Variants in RAB33A observed in about 807,000 individuals in gnomAD.
RAB33A encodes the protein ras-related protein Rab-33A.
Under a neutral mutation model 12.0 loss-of-function variants are expected in RAB33A, and 6 were observed. That is an observed-to-expected ratio of 0.50 (90% CI 0.27 to 0.99). RAB33A has a LOEUF of 0.99. Ranked by LOEUF, RAB33A falls within the 50% of genes least tolerant of loss-of-function variation. The pLI is 0.11. For synonymous variants in RAB33A, 70 were observed against 82.4 expected (o/e 0.85, Z 0.81); for missense variants, 109 against 192.0 (o/e 0.57, Z 2.55).
chrX:130,129,180 T>C, the RAB33A span, among the ~76,000 whole-genome samples: 10 of 111,023 alleles, frequency 9.0e-5, no homozygotes, highest in Admixed American at 9.6e-4. Flanking sequence ...ACAGCAGGTG[T>C]GTGCAAAGAG....
the RAB33A span, among the ~76,000 whole-genome samples, chrX:130,128,298 C>T: frequency 4.5e-5 from 5 of 111,572 alleles, no homozygotes; most frequent in South Asian, 3.7e-4. Flanking sequence ...TTAGGCCGGG[C>T]GCGGTGACTC....
At chrX:130,123,904 A>G in the RAB33A span, among the ~76,000 whole-genome samples, 2 of 110,582 alleles carry the variant, frequency 1.8e-5, no homozygotes, top group African/African-American at 6.6e-5. Context: ...AGACACAACC[A>G]TAAAACGGGG....
chrX:130,158,962 C>A, the RAB33A span, among the ~76,000 whole-genome samples: 18 of 110,834 alleles, frequency 1.6e-4, no homozygotes, highest in Non-Finnish European at 2.5e-4. Context: ...AAAACAAGCC[C>A]AATGTGGATC....
chrX:130,168,536 G>A (rs1465062668), upstream of RAB33A, among the ~76,000 whole-genome samples: 2 of 110,845 alleles, frequency 1.8e-5, no homozygotes, highest in Admixed American at 9.5e-5. Flanking sequence ...CTTCTGTGAA[G>A]TTTAACCCAG....
chrX:130,164,167 C>T, the RAB33A span, among the ~76,000 whole-genome samples: 7 of 74,834 alleles, frequency 9.4e-5, no homozygotes, highest in Non-Finnish European at 1.4e-4. Flanking sequence ...GACTCCGTCT[C>T]AAAAAAAAAA....
the RAB33A span, among the ~76,000 whole-genome samples, chrX:130,151,290 G>A: frequency 2.7e-5 from 3 of 109,719 alleles, no homozygotes; most frequent in Admixed American, 9.7e-5. Flanking sequence ...ACAGGCACAC[G>A]CCACCATGCC....
At chrX:130,112,698 C>T in the RAB33A span, among the ~76,000 whole-genome samples, 1 of 110,389 alleles carries the variant, frequency 9.1e-6, no homozygotes, top group Non-Finnish European at 1.9e-5. Context: ...GAAACCCCAT[C>T]TCTACTAAAA....
chrX:130,149,545 A>G, the RAB33A span: 511,013 of 1,206,323 alleles, frequency 0.42, 76,472 homozygotes, highest in African/African-American at 0.72. Context: ...ATCTTTTTTC[A>G]TCCTCTTTCA....
At chrX:130,111,888 T>C in the RAB33A span, among the ~76,000 whole-genome samples, 1 of 111,595 alleles carries the variant, frequency 9.0e-6, no homozygotes, top group Non-Finnish European at 1.9e-5. Flanking sequence ...GAGAGTGCGC[T>C]GGGAATTGTT....
At chrX:130,148,028 C>G in the RAB33A span, 16 of 688,943 alleles carry the variant, frequency 2.3e-5, no homozygotes, top group Non-Finnish European at 3.6e-5. Flanking sequence ...ATCTTCACAG[C>G]ATCCTGATGG....
intron 1 of RAB33A, among the ~76,000 whole-genome samples, chrX:130,183,214 T>C (rs1259582817): frequency 9.2e-6 from 1 of 108,179 alleles, no homozygotes; most frequent in East Asian, 3.0e-4. Flanking sequence ...GACCCCACTG[T>C]ATAGACATGA....
At chrX:130,147,461 T>C in the RAB33A span, 54 of 1,209,215 alleles carry the variant, frequency 4.5e-5, no homozygotes, top group South Asian at 5.5e-4. Context: ...TTAGCTGAAG[T>C]TGATAGGCTC....
chrX:130,183,910 A>G (rs1351165755), intron 1 of RAB33A, among the ~76,000 whole-genome samples: 2 of 111,493 alleles, frequency 1.8e-5, no homozygotes, highest in Non-Finnish European at 3.8e-5. Context: ...TTTTTTTGAA[A>G]TGGAGTTTTG....
At chrX:130,167,558 C>T (rs186926676), upstream of RAB33A, among the ~76,000 whole-genome samples, 574 of 112,019 alleles carry the variant, frequency 5.1e-3, 3 homozygotes, top group African/African-American at 0.018. Context: ...GTCTGGCCAA[C>T]ATGGTGAAAC....
chrX:130,121,042 G>T, the RAB33A span, among the ~76,000 whole-genome samples: 1 of 112,082 alleles, frequency 8.9e-6, no homozygotes, highest in East Asian at 2.8e-4. Flanking sequence ...GCCTTGTCCC[G>T]CGCCCTGCCC....
chrX:130,143,055 TTTAAG>T, the RAB33A span, among the ~76,000 whole-genome samples: 1 of 112,041 alleles, frequency 8.9e-6, no homozygotes, highest in Non-Finnish European at 1.9e-5. Context: ...CATACTGCTC[TTTAAG>T]TTCTTTCCTA....
the RAB33A span, chrX:130,137,803 C>T: frequency 1.1e-6 from 1 of 925,430 alleles, no homozygotes; most frequent in African/African-American, 2.1e-5. Flanking sequence ...TGACTCACAC[C>T]TATAATCCCA....
the RAB33A span, chrX:130,147,659 A>G: frequency 8.3e-7 from 1 of 1,211,896 alleles, no homozygotes; most frequent in Non-Finnish European, 1.1e-6. Context: ...TATCAGAGCC[A>G]AGTCATTTAA....
chrX:130,135,241 C>T, the RAB33A span, among the ~76,000 whole-genome samples: 1 of 108,989 alleles, frequency 9.2e-6, no homozygotes, highest in African/African-American at 3.4e-5. Flanking sequence ...CCTGTGCCAC[C>T]ACACCCGGCT....
Sources: allele counts gnomAD v4.1 joint callset (sites outside exome capture counted in the v4.1 genomes callset), GRCh38; gene constraint gnomAD v4.1.1; transcripts MANE v1.5; gene names NCBI Gene and HGNC (gene_info 2026-07-23, HGNC 2026-07-21).